Variants in NBEA observed in about 807,000 individuals in gnomAD.
NBEA encodes lysosomal-trafficking regulator 2.
In NBEA, 44 loss-of-function variants were observed where a neutral mutation model predicts 343.4. The observed-to-expected ratio is 0.13, with a 90% CI of 0.10 to 0.16. NBEA has a LOEUF of 0.16. Among genes scored for constraint, NBEA ranks in the 10% least tolerant of loss-of-function variants. The probability of loss-of-function intolerance (pLI) is 1.00; values close to 1 mark genes in which losing one functional copy is unlikely to be tolerated. For missense variants in NBEA, 2,555 were observed against 3,631.3 expected (o/e 0.70, Z 7.62); for synonymous variants, 1,175 against 1,238.7 (o/e 0.95, Z 1.08).
At chr13:35,454,098 T>A (rs1363896959) in intron 40 of NBEA, among the ~76,000 whole-genome samples, 1 of 152,154 alleles carries the variant, frequency 6.6e-6, no homozygotes, top group African/African-American at 2.4e-5. Flanking sequence ...TGTCCTAAAG[T>A]ATTGATCCTC....
chr13:35,401,458 G>A (rs2042999994), intron 38 of NBEA, among the ~76,000 whole-genome samples: 3 of 152,020 alleles, frequency 2.0e-5, no homozygotes, highest in Admixed American at 1.3e-4. Context: ...TTTAGGAAAT[G>A]TTGAGTACCC....
At chr13:35,119,802 G>T (rs2066695448) in intron 16 of NBEA, among the ~76,000 whole-genome samples, 2 of 152,164 alleles carry the variant, frequency 1.3e-5, no homozygotes, top group Non-Finnish European at 2.9e-5. Flanking sequence ...TGTTAGCCAG[G>T]ATGGTCTCCA....
At chr13:35,183,907 A>G in intron 29 of NBEA, 69 bp from the exon 30 acceptor site, 1 of 1,085,412 alleles carries the variant, frequency 9.2e-7, no homozygotes, top group East Asian at 2.5e-5. Context: ...ATTGTCATGG[A>G]TCTTCAGTGG....
intron 1 of NBEA, among the ~76,000 whole-genome samples, chr13:34,953,832 G>A (rs571834447): frequency 6.6e-6 from 1 of 152,340 alleles, no homozygotes; most frequent in South Asian, 2.1e-4. Context: ...GGCCATGGGT[G>A]AGCGAGCATT....
intron 16 of NBEA, among the ~76,000 whole-genome samples, chr13:35,120,328 A>G (rs929226401): frequency 3.3e-5 from 5 of 152,208 alleles, no homozygotes; most frequent in Admixed American, 3.3e-4. Context: ...GACCATGAGC[A>G]GAACATGTCA....
intron 38 of NBEA, among the ~76,000 whole-genome samples, chr13:35,409,852 A>G (rs2043483753): frequency 1.3e-5 from 2 of 152,102 alleles, no homozygotes; most frequent in South Asian, 4.2e-4. Flanking sequence ...TTTAGACAAA[A>G]TGTTACTTTC....
intron 39 of NBEA, among the ~76,000 whole-genome samples, chr13:35,440,838 G>T (rs1045173743): frequency 6.6e-6 from 1 of 152,084 alleles, no homozygotes; most frequent in Non-Finnish European, 1.5e-5. Context: ...AATACATTTG[G>T]AATTTCCTTA....
intron 1 of NBEA, among the ~76,000 whole-genome samples, chr13:34,993,088 T>C (rs1433201998): frequency 2.0e-5 from 3 of 152,174 alleles, no homozygotes; most frequent in Non-Finnish European, 4.4e-5. Flanking sequence ...TCCACTTTGC[T>C]ATCTATACTG....
intron 1 of NBEA, among the ~76,000 whole-genome samples, chr13:35,012,072 CAACTT>C (rs1395299432): frequency 6.6e-6 from 1 of 152,136 alleles, no homozygotes; most frequent in Non-Finnish European, 1.5e-5. Context: ...AAAAATAAGG[CAACTT>C]AAATTTATTG....
At chr13:34,983,601 TCTTCCACAATGGTTGAAC>T (rs1276957181) in intron 1 of NBEA, among the ~76,000 whole-genome samples, 1 of 152,200 alleles carries the variant, frequency 6.6e-6, no homozygotes, top group East Asian at 1.9e-4. Context: ...TGCCACACTG[TCTTCCACAATGGTTGAAC>T]TAGTTTACAC....
intron 55 of NBEA, among the ~76,000 whole-genome samples, chr13:35,660,221 A>G (rs973113824): frequency 3.3e-5 from 5 of 152,226 alleles, no homozygotes; most frequent in Non-Finnish European, 5.9e-5. Context: ...TTGTCTCTTC[A>G]ACAGACACTC....
intron 41 of NBEA, among the ~76,000 whole-genome samples, chr13:35,513,202 C>T (rs1465542124): frequency 1.3e-5 from 2 of 150,190 alleles, no homozygotes; most frequent in Admixed American, 1.3e-4. Flanking sequence ...AGTGGCGCAA[C>T]CTCGGCTCGC....
intron 1 of NBEA, among the ~76,000 whole-genome samples, chr13:34,945,067 C>T (rs2059148064): frequency 6.6e-6 from 1 of 151,966 alleles, no homozygotes; most frequent in Admixed American, 6.5e-5. Context: ...AGTATGCAGA[C>T]GTTATTTTAG....
intron 39 of NBEA, among the ~76,000 whole-genome samples, chr13:35,435,444 G>C (rs1331927571): frequency 6.6e-5 from 10 of 152,078 alleles, no homozygotes; most frequent in Non-Finnish European, 1.5e-4. Context: ...GAATGTTCTT[G>C]TTTTGAGAAA....
chr13:35,108,699 G>GTTTCAAC (rs1449069836), intron 11 of NBEA, among the ~76,000 whole-genome samples: 4 of 152,068 alleles, frequency 2.6e-5, no homozygotes, highest in Non-Finnish European at 5.9e-5. Context: ...TTAAGGTTTG[G>GTTTCAAC]TTTCAATTTT....
intron 18 of NBEA, among the ~76,000 whole-genome samples, chr13:35,151,177 A>T (rs1004688112): frequency 6.6e-6 from 1 of 151,764 alleles, no homozygotes; most frequent in Non-Finnish European, 1.5e-5. Context: ...TCTTATTAGG[A>T]TAAAGACTAT....
chr13:35,567,384 C>T (rs1190831233), intron 45 of NBEA, among the ~76,000 whole-genome samples: 6 of 152,226 alleles, frequency 3.9e-5, no homozygotes, highest in East Asian at 3.9e-4. Context: ...CCATAAAATA[C>T]ACACATTGTA....
At chr13:35,654,827 T>G (rs1281618540) in intron 53 of NBEA, 28 bp from the exon 54 acceptor site, 1 of 1,549,652 alleles carries the variant, frequency 6.5e-7, no homozygotes, top group African/African-American at 1.4e-5. Context: ...GAATCTTTCT[T>G]CAAATGCTTT....
At chr13:34,994,024 C>G (rs1346020884) in intron 1 of NBEA, among the ~76,000 whole-genome samples, 3 of 151,316 alleles carry the variant, frequency 2.0e-5, no homozygotes, top group Admixed American at 2.0e-4. Flanking sequence ...ATGGTGAAAC[C>G]CCGTCTCTAC....
Sources: gnomAD v4.1 joint callset for allele counts (sites outside exome capture counted in the v4.1 genomes callset) on GRCh38, gnomAD v4.1.1 for gene constraint, MANE v1.5 for transcripts, NCBI Gene and HGNC (gene_info 2026-07-23, HGNC 2026-07-21) for gene names.